MEGF10: variants seen among roughly 807,000 people sequenced by gnomAD.
MEGF10 encodes the protein multiple epidermal growth factor-like domains protein 10.
Under a neutral mutation model 147.5 loss-of-function variants are expected in MEGF10, and 86 were observed. The ratio of observed to expected loss-of-function variants is 0.58; its 90% CI spans 0.49 to 0.70. The LOEUF is 0.70. Among genes scored for constraint, MEGF10 ranks in the 30% least tolerant of loss-of-function variants. The probability of loss-of-function intolerance (pLI) is 0.00; values close to 1 mark genes in which losing one functional copy is unlikely to be tolerated. For synonymous variants in MEGF10, 478 were observed against 525.5 expected, an observed-to-expected ratio of 0.91 and a Z score of 1.24; for missense variants, 1,329 against 1,487.3, an observed-to-expected ratio of 0.89 and a Z score of 1.75.
rs190995689 is a variant in MEGF10 at position 127,436,371 on chromosome 5, G to A, written c.2104+882G>A. On this transcript the variant is annotated intron_variant, in intron 16 of 24. Transcript: ENST00000503335. ...GTTAATTTTTTCCATAAGTAGTCCA[G>A]GCTGTACCCCATTTTTTAGGAATAA... Among the ~76,000 whole-genome samples the A allele has an allele frequency of 6.5e-4, 99 of 152,214 alleles. 1 individual carries two copies. The highest frequency in any genetic ancestry group is 1.0e-3 in the Non-Finnish European group (68 of 68,014).
At position 127,396,886 on chromosome 5, in the gene MEGF10, A is replaced by G. The variant is rs1002674623; in HGVS notation, c.659+108A>G. 1.2e-5 allele frequency: 18 copies of G among 1,488,644 alleles called. No homozygotes were observed. The African/African-American group carries it at 2.1e-4, about 17-fold the overall frequency. The allele number at this position is 1,488,644 out of a possible 1,614,324, so 92.2% of individuals were successfully genotyped here. Reference sequence around the variant, plus strand: ...CCTCAGTTTGCATTGCTGCCTGAAGAGTTACTGATGGGTCTAGGCTGCAGG... The same window carrying G: ...CCTCAGTTTGCATTGCTGCCTGAAGGGTTACTGATGGGTCTAGGCTGCAGG... On this transcript the variant is annotated intron_variant, in intron 6 of 24. Transcript: ENST00000503335.
intron 13 of MEGF10, chr5:127,424,259 C>G: frequency 2.9e-6 from 2 of 695,278 alleles, no homozygotes; most frequent in Non-Finnish European, 2.6e-6. Context: ...CAGCACCATA[C>G]AGTTTTGATT....
At chr5:127,234,926 C>A in the MEGF10 span, among the ~76,000 whole-genome samples, 1 of 152,084 alleles carries the variant, frequency 6.6e-6, no homozygotes, top group African/African-American at 2.4e-5. Context: ...TCACTGCAAC[C>A]TCCACCTCCC....
rs6885300 is a variant in MEGF10, at chr5:127,450,529, C to G, written c.2980+1307C>G. 5.4e-3 allele frequency among the ~76,000 whole-genome samples: 820 copies of G among 152,252 alleles called. 11 individuals are homozygous for G. The highest frequency in any genetic ancestry group is 0.019 in the African/African-American group (783 of 41,550). ...GATGATGTAGTAACTTACAGGTGTG[C>G]AGTGTCTTACGGATAGCAAATCCTT... On this transcript the variant is annotated intron_variant, in intron 22 of 24. Transcript: ENST00000503335.
intron 22 of MEGF10, among the ~76,000 whole-genome samples, chr5:127,450,336 C>T (rs1215703685): frequency 6.6e-6 from 1 of 152,134 alleles, no homozygotes; most frequent in East Asian, 1.9e-4. Flanking sequence ...GATGACATAG[C>T]GAGACTCACC....
At chr5:127,317,835 G>A (rs921584324) in intron 1 of MEGF10, among the ~76,000 whole-genome samples, 1 of 152,058 alleles carries the variant, frequency 6.6e-6, no homozygotes, top group Non-Finnish European at 1.5e-5. Flanking sequence ...AACCAACATG[G>A]TACATGTATA....
At chr5:127,272,061 G>A in the MEGF10 span, among the ~76,000 whole-genome samples, 124 of 152,138 alleles carry the variant, frequency 8.2e-4, no homozygotes, top group African/African-American at 2.8e-3. Flanking sequence ...ATAGTTTTGG[G>A]TTTGACATTA....
In MEGF10 at chr5:127,458,530, A is replaced by G. The variant is rs1012741865; in HGVS notation, c.*1212A>G. The G allele has an allele frequency of 6.6e-6, 1 of 152,066 alleles. No homozygotes were observed. Among genetic ancestry groups the G allele is most frequent in the Non-Finnish European group, 1.5e-5 (1 of 68,000 alleles). 9.4% of individuals were successfully genotyped at this position (152,066 alleles called of 1,614,324 possible). The stretch of plus-strand genomic sequence containing the variant: ...ATATTATATGTTCGTTATTCCTTGT[A>G]TTATTGCCACTTATCTTTTGCTTGA... On this transcript the variant is annotated 3_prime_UTR_variant, in exon 25 of 25. Coordinates refer to ENST00000503335, the MANE Select transcript of MEGF10 (RefSeq NM_001256545.2).
In MEGF10 at chr5:127,419,157, A is replaced by C. The variant is rs1438771856; in HGVS notation, c.1343A>C (p.Tyr448Ser). 1 of 1,613,976 alleles carries C rather than the reference A, an allele frequency of 6.2e-7. No individual in the cohort carries two copies. The highest frequency in any genetic ancestry group is 8.5e-7 in the Non-Finnish European group (1 of 1,180,010). ...TCTACCCCATGCCCTCTGGGAACCTATGGGATAAACTGTTCCTCTCGCTGT... is the reference window on the plus strand; with the variant it reads ...TCTACCCCATGCCCTCTGGGAACCTCTGGGATAAACTGTTCCTCTCGCTGT... ...DCSTPCPLGT[Y>S]GINCSSRCGC... The change falls in exon 11 of 25, where the codon TAT becomes TCT. Residue 448 changes from tyrosine (Y) to serine (S), a missense_variant. Around this residue, in one of 3 missense-constraint regions of MEGF10, gnomAD observed 980 missense variants for 1,085.9 expected, o/e 0.90. Coordinates refer to ENST00000503335, the MANE Select transcript of MEGF10 (RefSeq NM_001256545.2).
chr5:127,307,870 T>A (rs763326128), intron 1 of MEGF10, among the ~76,000 whole-genome samples: 1 of 152,202 alleles, frequency 6.6e-6, no homozygotes, highest in African/African-American at 2.4e-5. Context: ...GGTTCAGGAG[T>A]GTGGTGTGTA....
chr5:127,411,959 A>C (rs1040161360), intron 9 of MEGF10, among the ~76,000 whole-genome samples: 1 of 152,250 alleles, frequency 6.6e-6, no homozygotes, highest in African/African-American at 2.4e-5. Context: ...AATCTATGCA[A>C]AGGAAGAGCT....
At chr5:127,269,211 G>C in the MEGF10 span, among the ~76,000 whole-genome samples, 1,978 of 152,344 alleles carry the variant, frequency 0.013, 31 homozygotes, top group African/African-American at 0.043. Flanking sequence ...GCAGCTCCTC[G>C]CCAGCAATGG....
chr5:127,264,726 C>A, the MEGF10 span, among the ~76,000 whole-genome samples: 3 of 152,048 alleles, frequency 2.0e-5, no homozygotes, highest in African/African-American at 7.2e-5. Context: ...ATCCTAAATA[C>A]ATGATAAAAA....
At chr5:127,257,494 C>T in the MEGF10 span, among the ~76,000 whole-genome samples, 8 of 152,070 alleles carry the variant, frequency 5.3e-5, no homozygotes, top group African/African-American at 1.9e-4. Flanking sequence ...ATGACAAGCG[C>T]CATATTTTGT....
At chr5:127,296,181 T>C (rs1759491902) in intron 1 of MEGF10, among the ~76,000 whole-genome samples, 1 of 152,216 alleles carries the variant, frequency 6.6e-6, no homozygotes, top group Admixed American at 6.5e-5. Context: ...TACAAACCAA[T>C]GTTATTTTAC....
At chr5:127,307,749 T>C (rs938150333) in intron 1 of MEGF10, among the ~76,000 whole-genome samples, 1 of 152,236 alleles carries the variant, frequency 6.6e-6, no homozygotes, top group Non-Finnish European at 1.5e-5. Context: ...TTAATGTTGC[T>C]ATCTTCTTTT....
chr5:127,373,238 G>A (rs1416277889), intron 5 of MEGF10, among the ~76,000 whole-genome samples: 2 of 152,090 alleles, frequency 1.3e-5, no homozygotes, highest in Non-Finnish European at 2.9e-5. Context: ...TGCAACCTCT[G>A]CCTCCTGGGT....
At chr5:127,369,209 G>C (rs1762762456) in intron 4 of MEGF10, among the ~76,000 whole-genome samples, 1 of 152,054 alleles carries the variant, frequency 6.6e-6, no homozygotes. Context: ...ATAATGATTT[G>C]GCACAGCATA....
intron 8 of MEGF10, among the ~76,000 whole-genome samples, chr5:127,405,431 A>G (rs1342628890): frequency 6.6e-6 from 1 of 152,124 alleles, no homozygotes; most frequent in Non-Finnish European, 1.5e-5. Context: ...TTTCTGGTTG[A>G]AGAAAAACTT....
Sources: gnomAD v4.1 joint callset for allele counts (sites outside exome capture counted in the v4.1 genomes callset) on GRCh38, gnomAD v4.1.1 for gene constraint, gnomAD v4.1.1 regional missense constraint, MANE v1.5 for transcripts, NCBI Gene and HGNC (gene_info 2026-07-23, HGNC 2026-07-21) for gene names.